Variants in NSMCE2 observed in about 807,000 individuals in gnomAD.
NSMCE2 encodes the protein E3 SUMO-protein ligase NSE2.
Under a neutral mutation model 23.8 loss-of-function variants are expected in NSMCE2, and 24 were observed. That is an observed-to-expected ratio of 1.01 (90% CI 0.73 to 1.42). The LOEUF (loss-of-function observed/expected upper bound fraction) is 1.42, where lower values mean the gene tolerates loss of function less well. NSMCE2 is among the 40% of genes most tolerant of loss of function. The pLI is 0.00. For missense variants in NSMCE2, 284 were observed against 296.5 expected (o/e 0.96, Z 0.31); for synonymous variants, 92 against 94.1 (o/e 0.98, Z 0.13).
At chr8:125,157,331 G>C (rs1821379653) in intron 4 of NSMCE2, among the ~76,000 whole-genome samples, 2 of 152,196 alleles carry the variant, frequency 1.3e-5, no homozygotes, top group South Asian at 4.1e-4. Flanking sequence ...ATTCTACAGT[G>C]ATAGACAACT....
At chr8:125,114,616 G>A (rs568433135) in intron 3 of NSMCE2, among the ~76,000 whole-genome samples, 7 of 152,138 alleles carry the variant, frequency 4.6e-5, no homozygotes, top group African/African-American at 1.7e-4. Context: ...TCGGGGATGC[G>A]GGGAGCATGT....
intron 5 of NSMCE2, among the ~76,000 whole-genome samples, chr8:125,215,012 C>CTTTAT (rs760354733): frequency 1.5e-3 from 201 of 132,018 alleles, no homozygotes; most frequent in East Asian, 7.5e-3. Flanking sequence ...TTGGTAACCA[C>CTTTAT]TTTATTTTAT....
intron 3 of NSMCE2, among the ~76,000 whole-genome samples, chr8:125,105,971 A>G (rs1429537159): frequency 6.6e-6 from 1 of 152,060 alleles, no homozygotes; most frequent in African/African-American, 2.4e-5. Flanking sequence ...AACAACTTAG[A>G]CAGACACAGA....
At chr8:125,095,575 A>G (rs1817887612) in intron 1 of NSMCE2, among the ~76,000 whole-genome samples, 1 of 152,102 alleles carries the variant, frequency 6.6e-6, no homozygotes, top group South Asian at 2.1e-4. Flanking sequence ...CCTGGGTGAC[A>G]GAACAAGACC....
At chr8:125,298,942 C>G (rs1828443295) in intron 5 of NSMCE2, among the ~76,000 whole-genome samples, 2 of 152,140 alleles carry the variant, frequency 1.3e-5, no homozygotes, top group African/African-American at 4.8e-5. Context: ...AGTTGTTCCT[C>G]CGATCCTTAA....
At chr8:125,165,903 T>C (rs1274316877) in intron 4 of NSMCE2, among the ~76,000 whole-genome samples, 1 of 152,162 alleles carries the variant, frequency 6.6e-6, no homozygotes, top group African/African-American at 2.4e-5. Context: ...ATATTAATTA[T>C]AGAGAAAGCA....
chr8:125,366,298 T>A (rs146107495), intron 7 of NSMCE2, among the ~76,000 whole-genome samples: 8,345 of 152,294 alleles, frequency 0.055, 316 homozygotes, highest in Non-Finnish European at 0.086. Context: ...CCCAGCACTT[T>A]GGGAGGCCGA....
rs1563756339 is a variant in NSMCE2, at chr8:125,272,834, T to TAC, written c.419-84380_419-84379dup. Among the ~76,000 whole-genome samples the TAC allele has an allele frequency of 3.4e-4, 28 of 82,808 alleles. 1 individual carries two copies. Among genetic ancestry groups the TAC allele is most frequent in the South Asian group, 2.3e-3 (6 of 2,640 alleles). The allele number at this position is 82,808 out of a possible 152,430, so 54.3% of individuals were successfully genotyped here. ...ACACGTATATATATACACATATATA[T>TAC]ACACACGTATATACACACACACATA... On this transcript the variant is annotated intron_variant, in intron 5 of 7. Coordinates refer to ENST00000287437, the MANE Select transcript of NSMCE2 (RefSeq NM_173685.4).
intron 5 of NSMCE2, among the ~76,000 whole-genome samples, chr8:125,230,275 C>G (rs1473927902): frequency 4.0e-5 from 6 of 151,108 alleles, no homozygotes; most frequent in African/African-American, 1.5e-4. Context: ...TTCCTCCTGG[C>G]CAACCCTCTC....
chr8:125,105,464 T>A (rs923008669), intron 3 of NSMCE2, among the ~76,000 whole-genome samples: 4 of 149,622 alleles, frequency 2.7e-5, no homozygotes, highest in African/African-American at 7.4e-5. Context: ...AGCTACAGAG[T>A]TTTTTTTTTC....
In NSMCE2 at chr8:125,123,447, T is replaced by G. The variant is rs571478014; in HGVS notation, c.157+20960T>G. ...TCTTATTGCAGTTATTTTTCTCTCTTAACAATCCTATGAAAATGAAGGAGA... is the reference window on the plus strand; with the variant it reads ...TCTTATTGCAGTTATTTTTCTCTCTGAACAATCCTATGAAAATGAAGGAGA... On this transcript the variant is annotated intron_variant, in intron 3 of 7. Coordinates refer to ENST00000287437, the MANE Select transcript of NSMCE2 (RefSeq NM_173685.4). Among the ~76,000 whole-genome samples the G allele has an allele frequency of 1.7e-4, 26 of 152,366 alleles. No individual in the cohort carries two copies. The South Asian group carries it at 2.3e-3, about 13-fold the overall frequency.
chr8:125,131,099 A>G (rs1819753040), intron 3 of NSMCE2, among the ~76,000 whole-genome samples: 1 of 152,130 alleles, frequency 6.6e-6, no homozygotes, highest in African/African-American at 2.4e-5. Flanking sequence ...TTTGCAATAC[A>G]GTTACATTGT....
chr8:125,135,946 G>A (rs145053094), intron 3 of NSMCE2, among the ~76,000 whole-genome samples: 12 of 152,256 alleles, frequency 7.9e-5, no homozygotes, highest in Admixed American at 7.9e-4. Context: ...AGAGAAGTCG[G>A]CCAAGGTTTT....
At chr8:125,221,126 C>T (rs995831646) in intron 5 of NSMCE2, among the ~76,000 whole-genome samples, 3 of 152,128 alleles carry the variant, frequency 2.0e-5, no homozygotes, top group African/African-American at 7.2e-5. Context: ...TTTCATATGG[C>T]TTGAAAATTA....
At chr8:125,177,272 T>G (rs1822544713) in intron 4 of NSMCE2, among the ~76,000 whole-genome samples, 1 of 152,178 alleles carries the variant, frequency 6.6e-6, no homozygotes, top group Admixed American at 6.5e-5. Flanking sequence ...GATGAGAGAA[T>G]TTCTGGGTTG....
At chr8:125,318,787 G>T (rs1029383333) in intron 5 of NSMCE2, among the ~76,000 whole-genome samples, 4 of 152,220 alleles carry the variant, frequency 2.6e-5, no homozygotes, top group Admixed American at 2.6e-4. Context: ...TCCCATGCTT[G>T]TTCCAGCTTA....
intron 5 of NSMCE2, among the ~76,000 whole-genome samples, chr8:125,333,502 G>GTTTT (rs1308950464): frequency 9.1e-5 from 6 of 65,826 alleles, no homozygotes; most frequent in African/African-American, 2.9e-4. Context: ...TTTCCTGGTG[G>GTTTT]TTCTTTTTTT....
At position 125,129,352 on chromosome 8, in the gene NSMCE2, A is replaced by C. The variant is rs2130549742; in HGVS notation, c.158-21819A>C. On this transcript the variant is annotated intron_variant, in intron 3 of 7. Transcript: ENST00000287437. ...GTGTGTTTGGTCTGAAAGGATACTT[A>C]AACATCTTTTTAAGCCTATTGCTAT... 1.3e-5 allele frequency among the ~76,000 whole-genome samples: 2 copies of C among 150,506 alleles called. 1 individual carries two copies. Among genetic ancestry groups the C allele is most frequent in the African/African-American group, 4.8e-5 (2 of 41,306 alleles).
intron 5 of NSMCE2, among the ~76,000 whole-genome samples, chr8:125,238,055 C>G (rs1825628404): frequency 6.6e-6 from 1 of 152,136 alleles, no homozygotes; most frequent in South Asian, 2.1e-4. Context: ...CTCCCAACAC[C>G]TCATTTCTAG....
Sources: allele counts gnomAD v4.1 joint callset (sites outside exome capture counted in the v4.1 genomes callset), GRCh38; gene constraint gnomAD v4.1.1; transcripts MANE v1.5; gene names NCBI Gene and HGNC (gene_info 2026-07-23, HGNC 2026-07-21).